Variants in TEX11 observed in about 807,000 individuals in gnomAD.
TEX11 encodes the protein testis expressed 11.
Under a neutral mutation model 84.4 loss-of-function variants are expected in TEX11, and 7 were observed. The ratio of observed to expected loss-of-function variants is 0.08; its 90% CI spans 0.05 to 0.16. The LOEUF (loss-of-function observed/expected upper bound fraction) is 0.16, where lower values mean the gene tolerates loss of function less well. Ranked by LOEUF, TEX11 falls within the 10% of genes least tolerant of loss-of-function variation. TEX11 has a pLI of 1.00. For missense variants in TEX11, 551 were observed against 660.5 expected (o/e 0.83, Z 1.82); for synonymous variants, 264 against 222.8 (o/e 1.18, Z -1.64).
At position 70,884,109 on chromosome X, in the gene TEX11, C is replaced by G. The variant is rs971764534; in HGVS notation, c.38-4000G>C. ...TGCATATTGCTTTCCAGTCTCGAAG[C>G]TTTTTCATATGCATTCTCATTTAAT... On this transcript the variant is annotated intron_variant, in intron 2 of 29. Coordinates refer to ENST00000374333, the MANE Select transcript of TEX11 (RefSeq NM_031276.3). 2.7e-5 allele frequency among the ~76,000 whole-genome samples: 3 copies of G among 112,411 alleles called. No homozygotes were observed. In the Admixed American group the frequency reaches 2.8e-4, roughly 11 times the overall value.
At chrX:70,569,578 G>T (rs1471217983) in intron 25 of TEX11, among the ~76,000 whole-genome samples, 1 of 111,550 alleles carries the variant, frequency 9.0e-6, no homozygotes, top group East Asian at 2.8e-4. Flanking sequence ...GTACAGATGG[G>T]TTTTTAGTGT....
chrX:70,577,589 G>C (rs754877352), intron 25 of TEX11, among the ~76,000 whole-genome samples: 1 of 111,056 alleles, frequency 9.0e-6, no homozygotes, highest in South Asian at 3.9e-4. Flanking sequence ...AACAGTAAGA[G>C]ACAGAAAACA....
chrX:70,542,022 A>G (rs754729372), intron 28 of TEX11, among the ~76,000 whole-genome samples: 1 of 111,005 alleles, frequency 9.0e-6, no homozygotes, highest in East Asian at 2.8e-4. Flanking sequence ...AAAATTTCCT[A>G]GCAAAAACTG....
At chrX:70,552,031 C>T in intron 28 of TEX11, 95 bp downstream of exon 28, 1 of 929,273 alleles carries the variant, frequency 1.1e-6, no homozygotes, top group Non-Finnish European at 1.4e-6. Flanking sequence ...TCCTAAAACT[C>T]ATATCAGAAA....
At chrX:70,788,973 TAGAGAGAGAGAGAGAG>T (rs35956435) in intron 9 of TEX11, among the ~76,000 whole-genome samples, 60 of 9,544 alleles carry the variant, frequency 6.3e-3, no homozygotes, top group Non-Finnish European at 8.0e-3. Flanking sequence ...TATATATATA[TAGAGAGAGAGAGAGAG>T]AGAGAGAGAG....
chrX:70,886,537 C>T (rs753992802), intron 2 of TEX11, among the ~76,000 whole-genome samples: 18 of 111,362 alleles, frequency 1.6e-4, no homozygotes, highest in African/African-American at 4.2e-4. Context: ...TACTTACAGT[C>T]AATAATGTAT....
chrX:70,749,760 C>T (rs1466121246), intron 9 of TEX11, among the ~76,000 whole-genome samples: 1 of 106,491 alleles, frequency 9.4e-6, no homozygotes, highest in Non-Finnish European at 1.9e-5. Flanking sequence ...CCTTGCATCC[C>T]AGGGATGAAG....
At position 70,623,972 on chromosome X, in the gene TEX11, C is replaced by T; in HGVS notation, c.1729G>A (p.Glu577Lys). ...CACTTATCTTCAGATTCCGGCATTT[C>T]AGCAATTTTTGGAAGAAGAAAACGA... is the stretch of plus-strand genomic sequence containing the variant. ...LLRFLLPKIAEMPESEDKKKE... is the reference protein window; with the variant it reads ...LLRFLLPKIAKMPESEDKKKE... Residue 577 changes from glutamate to lysine, a missense_variant, in exon 20 of 30, where the codon GAA becomes AAA. Coordinates refer to ENST00000374333, the MANE Select transcript of TEX11 (RefSeq NM_031276.3). The T allele has an allele frequency of 8.3e-7, 1 of 1,204,756 alleles. No homozygotes were observed. Among genetic ancestry groups the T allele is most frequent in the Non-Finnish European group, 1.1e-6 (1 of 892,069 alleles).
intron 20 of TEX11, among the ~76,000 whole-genome samples, chrX:70,619,698 A>AC (rs1450708129): frequency 6.2e-5 from 7 of 112,157 alleles, no homozygotes; most frequent in Non-Finnish European, 1.3e-4. Flanking sequence ...ATCTGACCAA[A>AC]CAGAAGCCTG....
intron 8 of TEX11, among the ~76,000 whole-genome samples, chrX:70,817,950 C>A (rs1426532993): frequency 9.0e-6 from 1 of 110,917 alleles, no homozygotes; most frequent in Non-Finnish European, 1.9e-5. Context: ...ACTAAGAGCT[C>A]CCAGCCCTAG....
At chrX:70,554,599 C>T in intron 26 of TEX11, 52 bp downstream of exon 26, 1 of 1,087,358 alleles carries the variant, frequency 9.2e-7, no homozygotes, top group Non-Finnish European at 1.2e-6. Context: ...GAAAAAAAGT[C>T]ATACGATCTA....
At chrX:70,763,484 T>A (rs1018816993) in intron 9 of TEX11, among the ~76,000 whole-genome samples, 1 of 110,661 alleles carries the variant, frequency 9.0e-6, no homozygotes, top group Non-Finnish European at 1.9e-5. Flanking sequence ...AAATTACATA[T>A]TGGGTACAGT....
rs373132132 is a variant in TEX11, at chrX:70,717,784, G to A, written c.1004+4834C>T. ...TACACTGTCTACAGAAGCCAAATAT[G>A]TAACATAAATGAGTGAAGCAGACTG... On this transcript the variant is annotated intron_variant, in intron 13 of 29. Transcript: ENST00000374333. 9.8e-5 allele frequency among the ~76,000 whole-genome samples: 11 copies of A among 111,906 alleles called. No homozygotes were observed. The East Asian group carries it at 2.5e-3, about 25-fold the overall frequency.
At position 70,817,254 on chromosome X, in the gene TEX11, TACACAC is replaced by T. The variant is rs57325193; in HGVS notation, c.607-10470_607-10465del. ...ATACACACACACACACATATATATA[TACACAC>T]ACACACACACACACACACACACACA... On this transcript the variant is annotated intron_variant, in intron 8 of 29. Transcript: ENST00000374333. Among the ~76,000 whole-genome samples, 557 of 82,390 alleles carry T rather than the reference TACACAC, an allele frequency of 6.8e-3. 8 individuals are homozygous for T. Among genetic ancestry groups the T allele is most frequent in the African/African-American group, 0.025 (528 of 21,289 alleles). The allele number at this position is 82,390 out of a possible 115,157, so 71.5% of individuals were successfully genotyped here. A position where few individuals can be genotyped will look rare whatever the true frequency, so the allele number is the denominator to read the frequency against.
chrX:70,801,477 C>T (rs73544779), intron 9 of TEX11, among the ~76,000 whole-genome samples: 6,187 of 111,399 alleles, frequency 0.056, 352 homozygotes, highest in South Asian at 0.17. Flanking sequence ...ACACTGCCTT[C>T]CAGGAAGCAG....
chrX:70,810,649 G>A (rs1053325625), intron 8 of TEX11, among the ~76,000 whole-genome samples: 4 of 110,688 alleles, frequency 3.6e-5, no homozygotes, highest in East Asian at 2.8e-4. Context: ...GTTGAGGGGT[G>A]AGGAGGTATG....
chrX:70,872,980 C>T (rs1159707204), intron 4 of TEX11, among the ~76,000 whole-genome samples: 4 of 111,007 alleles, frequency 3.6e-5, no homozygotes, highest in Non-Finnish European at 7.5e-5. Flanking sequence ...TTGTTCACCT[C>T]CTGACTATTT....
At chrX:70,752,971 C>A (rs1384231800) in intron 9 of TEX11, among the ~76,000 whole-genome samples, 1 of 110,262 alleles carries the variant, frequency 9.1e-6, no homozygotes, top group African/African-American at 3.3e-5. Flanking sequence ...AAAGCAGGAC[C>A]AATCTCAGCT....
At chrX:70,724,538 C>A (rs2090584983) in intron 12 of TEX11, among the ~76,000 whole-genome samples, 1 of 111,405 alleles carries the variant, frequency 9.0e-6, no homozygotes, top group African/African-American at 3.2e-5. Flanking sequence ...GCATGTACAA[C>A]ATTAAAAGAA....
Sources: gnomAD v4.1 joint callset for allele counts (sites outside exome capture counted in the v4.1 genomes callset) on GRCh38, gnomAD v4.1.1 for gene constraint, MANE v1.5 for transcripts, NCBI Gene and HGNC (gene_info 2026-07-23, HGNC 2026-07-21) for gene names.